THEMIS: variants seen among roughly 807,000 people sequenced by gnomAD.
The protein encoded by THEMIS is thymocyte selection associated.
THEMIS carries 37 observed loss-of-function variants against 52.6 expected under a neutral mutation model. The observed-to-expected ratio is 0.70, with a 90% CI of 0.54 to 0.93. The LOEUF (loss-of-function observed/expected upper bound fraction) is 0.93, where lower values mean the gene tolerates loss of function less well. Ranked by LOEUF, THEMIS falls within the 40% of genes least tolerant of loss-of-function variation. The pLI is 0.00. For synonymous variants in THEMIS, 292 were observed against 272.7 expected, an observed-to-expected ratio of 1.07 and a Z score of -0.70; for missense variants, 808 against 763.1, an observed-to-expected ratio of 1.06 and a Z score of -0.69.
chr6:127,818,649 G>T (rs1467686269), intron 3 of THEMIS, among the ~76,000 whole-genome samples: 1 of 148,956 alleles, frequency 6.7e-6, no homozygotes, highest in East Asian at 2.0e-4. Flanking sequence ...GACAAATCAA[G>T]CATCAAAGCC....
chr6:127,867,422 T>A (rs1334698102), intron 1 of THEMIS, among the ~76,000 whole-genome samples: 1 of 152,160 alleles, frequency 6.6e-6, no homozygotes, highest in Non-Finnish European at 1.5e-5. Flanking sequence ...GGACTTTTTA[T>A]GTTGCTTTCT....
At chr6:127,899,045 G>C (rs115173080) in intron 1 of THEMIS, among the ~76,000 whole-genome samples, 3,794 of 151,868 alleles carry the variant, frequency 0.025, 180 homozygotes, top group African/African-American at 0.087. Flanking sequence ...AAGATCTAGT[G>C]TTTGGTAGTA....
chr6:127,727,196 G>A (rs1366286406), intron 4 of THEMIS, among the ~76,000 whole-genome samples: 1 of 152,062 alleles, frequency 6.6e-6, no homozygotes, highest in Non-Finnish European at 1.5e-5. Context: ...CTGAAAATTT[G>A]GAAGTAATTA....
intron 2 of THEMIS, among the ~76,000 whole-genome samples, chr6:127,831,640 A>G (rs973070964): frequency 6.6e-6 from 1 of 152,118 alleles, no homozygotes; most frequent in African/African-American, 2.4e-5. Context: ...AGTCATTTTT[A>G]CTCATACAAA....
intron 4 of THEMIS, among the ~76,000 whole-genome samples, chr6:127,776,046 TA>T (rs1429695259): frequency 6.6e-6 from 1 of 152,262 alleles, no homozygotes; most frequent in African/African-American, 2.4e-5. Flanking sequence ...ATGTATTCTT[TA>T]AAAGTATATT....
intron 4 of THEMIS, among the ~76,000 whole-genome samples, chr6:127,736,783 C>T (rs1487379804): frequency 6.9e-6 from 1 of 144,838 alleles, no homozygotes; most frequent in Non-Finnish European, 1.5e-5. Context: ...TCATATTGCC[C>T]TTTTTGTAAC....
chr6:127,766,343 G>A (rs1393813380), intron 4 of THEMIS, among the ~76,000 whole-genome samples: 1 of 152,144 alleles, frequency 6.6e-6, no homozygotes, highest in Admixed American at 6.5e-5. Flanking sequence ...AATGAAATAT[G>A]AAGCATGAAC....
chr6:127,770,475 A>AT (rs1562246358), intron 4 of THEMIS, among the ~76,000 whole-genome samples: 1 of 151,534 alleles, frequency 6.6e-6, no homozygotes, highest in African/African-American at 2.4e-5. Context: ...GGGTTGTTTG[A>AT]TTTTTTTCCT....
At chr6:127,702,321 C>T in the THEMIS span, among the ~76,000 whole-genome samples, 1 of 152,074 alleles carries the variant, frequency 6.6e-6, no homozygotes, top group East Asian at 1.9e-4. Context: ...GAAATTACTT[C>T]TTTATTCTTC....
At chr6:127,760,655 A>G (rs887051930) in intron 4 of THEMIS, among the ~76,000 whole-genome samples, 1 of 152,054 alleles carries the variant, frequency 6.6e-6, no homozygotes, top group Non-Finnish European at 1.5e-5. Flanking sequence ...ATGGTGGTGC[A>G]TCTCTAGGTA....
intron 4 of THEMIS, among the ~76,000 whole-genome samples, chr6:127,730,277 T>TAAAGAAAAGAAAAGAAAAGAAAGGA (rs1774722593): frequency 1.8e-5 from 1 of 54,672 alleles, no homozygotes; most frequent in Non-Finnish European, 5.2e-5. Context: ...CTATAGGAAA[T>TAAAGAAAAGAAAAGAAAAGAAAGGA]AAAGAAAAGA....
intron 1 of THEMIS, among the ~76,000 whole-genome samples, chr6:127,917,699 A>G (rs1369871985): frequency 6.6e-6 from 1 of 152,226 alleles, no homozygotes; most frequent in African/African-American, 2.4e-5. Flanking sequence ...AGAGAGACCA[A>G]CACCTGAAAC....
intron 1 of THEMIS, among the ~76,000 whole-genome samples, chr6:127,883,501 C>T (rs1314443530): frequency 6.6e-6 from 1 of 151,670 alleles, no homozygotes; most frequent in Non-Finnish European, 1.5e-5. Context: ...TATTTAATTA[C>T]ATATGTTGCA....
chr6:127,819,071 G>T (rs1778235356), intron 3 of THEMIS, among the ~76,000 whole-genome samples: 1 of 115,686 alleles, frequency 8.6e-6, no homozygotes, highest in South Asian at 3.1e-4. Flanking sequence ...AGTGACCCAA[G>T]ATCATGCCAC....
chr6:127,748,759 C>A (rs951526972), intron 4 of THEMIS, among the ~76,000 whole-genome samples: 3 of 151,980 alleles, frequency 2.0e-5, no homozygotes, highest in Non-Finnish European at 2.9e-5. Flanking sequence ...ACTACAAAAC[C>A]TTGAGAAAGT....
chr6:127,816,110 A>G (rs757178860), intron 3 of THEMIS, among the ~76,000 whole-genome samples: 2 of 152,194 alleles, frequency 1.3e-5, no homozygotes, highest in Non-Finnish European at 2.9e-5. Context: ...TCTCAGCAGC[A>G]TTTGACAAAG....
At chr6:127,783,008 C>T (rs1776801055) in intron 4 of THEMIS, among the ~76,000 whole-genome samples, 1 of 152,050 alleles carries the variant, frequency 6.6e-6, no homozygotes, top group African/African-American at 2.4e-5. Flanking sequence ...GCTATAGTAA[C>T]CAGAACAGCA....
At position 127,844,762 on chromosome 6, in the gene THEMIS, G is replaced by T. The variant is rs915196856; in HGVS notation, c.250+10268C>A. Among the ~76,000 whole-genome samples, 4 of 151,848 alleles carry T rather than the reference G, an allele frequency of 2.6e-5. No homozygotes were observed. In the East Asian group the frequency reaches 5.8e-4, roughly 22 times the overall value. ...CTTCACTATAAACCACACATGACAT[G>T]ATTTACCAATCTATGGAGATAATGT... On this transcript the variant is annotated intron_variant, in intron 2 of 5. Coordinates refer to ENST00000368248, the MANE Select transcript of THEMIS (RefSeq NM_001010923.3).
chr6:127,720,628 C>A (rs931430146), intron 4 of THEMIS, among the ~76,000 whole-genome samples: 5 of 151,924 alleles, frequency 3.3e-5, no homozygotes, highest in Non-Finnish European at 7.4e-5. Flanking sequence ...TCAGGCTAGC[C>A]ATGTTGGCTC....
Sources: gnomAD v4.1 joint callset for allele counts (sites outside exome capture counted in the v4.1 genomes callset) on GRCh38, gnomAD v4.1.1 for gene constraint, MANE v1.5 for transcripts, NCBI Gene and HGNC (gene_info 2026-07-23, HGNC 2026-07-21) for gene names.